The following CADM2 variants were observed in gnomAD, a reference collection of about 807,000 sequenced individuals.
CADM2 encodes immunoglobulin superfamily member 4D.
A neutral mutation model predicts 49.8 loss-of-function variants in CADM2; 12 were observed. The ratio of observed to expected loss-of-function variants is 0.24; its 90% CI spans 0.15 to 0.39. The LOEUF is 0.39. Among genes scored for constraint, CADM2 ranks in the 10% least tolerant of loss-of-function variants. The probability of loss-of-function intolerance (pLI) is 1.00; values close to 1 mark genes in which losing one functional copy is unlikely to be tolerated. For missense variants in CADM2, 378 were observed against 492.3 expected, an observed-to-expected ratio of 0.77 and a Z score of 2.20; for synonymous variants, 214 against 175.4, an observed-to-expected ratio of 1.22 and a Z score of -1.74.
intron 1 of CADM2, among the ~76,000 whole-genome samples, chr3:85,349,881 A>G (rs2031160710): frequency 6.6e-6 from 1 of 152,144 alleles, no homozygotes; most frequent in Admixed American, 6.5e-5. Flanking sequence ...CCATGCCACA[A>G]CCGTTCAGGA....
intron 8 of CADM2, among the ~76,000 whole-genome samples, chr3:86,003,470 G>A (rs958702069): frequency 4.6e-5 from 7 of 152,128 alleles, no homozygotes; most frequent in African/African-American, 1.2e-4. Context: ...TTCTTGACAC[G>A]TCTATAAATA....
chr3:85,741,381 T>C (rs2068377559), intron 2 of CADM2, among the ~76,000 whole-genome samples: 1 of 151,850 alleles, frequency 6.6e-6, no homozygotes, highest in Non-Finnish European at 1.5e-5. Context: ...AAATAAAAAG[T>C]TGTCTCAGCC....
intron 1 of CADM2, among the ~76,000 whole-genome samples, chr3:85,019,879 T>C (rs1010820193): frequency 3.9e-5 from 6 of 152,180 alleles, no homozygotes; most frequent in African/African-American, 1.4e-4. Context: ...AGTTCAAAAA[T>C]CACACTCTAG....
chr3:85,782,979 A>C (rs988631753), intron 2 of CADM2, among the ~76,000 whole-genome samples: 1 of 152,174 alleles, frequency 6.6e-6, no homozygotes, highest in Non-Finnish European at 1.5e-5. Context: ...AACAGTGCAA[A>C]ACTTAAGTTT....
intron 8 of CADM2, among the ~76,000 whole-genome samples, chr3:86,008,562 C>A (rs2106883928): frequency 6.6e-6 from 1 of 152,044 alleles, no homozygotes; most frequent in Admixed American, 6.5e-5. Flanking sequence ...TAGAGGAAGG[C>A]AATACGTAAT....
chr3:85,544,434 C>T (rs6780346), intron 1 of CADM2, among the ~76,000 whole-genome samples: 77,489 of 151,894 alleles, frequency 0.51, 22,814 homozygotes, highest in East Asian at 0.85. Context: ...AAAATTAGCC[C>T]GGCGCTGTGG....
At chr3:85,371,894 T>C (rs148129432) in intron 1 of CADM2, among the ~76,000 whole-genome samples, 2 of 151,564 alleles carry the variant, frequency 1.3e-5, no homozygotes, top group East Asian at 3.9e-4. Flanking sequence ...CCCTCCTGTA[T>C]ACTGTGAAGG....
intron 8 of CADM2, among the ~76,000 whole-genome samples, chr3:85,970,511 ACATT>A (rs1725992247): frequency 1.3e-5 from 2 of 151,628 alleles, no homozygotes; most frequent in African/African-American, 4.8e-5. Context: ...CTGTAAATAG[ACATT>A]CATAGTTTTC....
chr3:85,462,654 A>G (rs528954143), intron 1 of CADM2, among the ~76,000 whole-genome samples: 2 of 152,302 alleles, frequency 1.3e-5, no homozygotes, highest in East Asian at 3.9e-4. Context: ...TTCAAATAAT[A>G]TTATGTCAAA....
chr3:86,052,136 T>C lies in CADM2; in HGVS notation c.971-13469T>C, dbSNP rs548074745. 7.9e-5 allele frequency among the ~76,000 whole-genome samples: 12 copies of C among 152,278 alleles called. No homozygotes were observed. In the East Asian group the frequency reaches 2.3e-3, roughly 29 times the overall value. ...ATAGAAACATAAACAATTACACTAATTTAGAAGAATGATTATAACTACATG... is the reference window on the plus strand; with the variant it reads ...ATAGAAACATAAACAATTACACTAACTTAGAAGAATGATTATAACTACATG... On this transcript the variant is annotated intron_variant, in intron 8 of 9. Transcript: ENST00000383699.
chr3:85,304,233 G>A (rs2044164060), intron 1 of CADM2, among the ~76,000 whole-genome samples: 1 of 151,812 alleles, frequency 6.6e-6, no homozygotes, highest in Admixed American at 6.6e-5. Context: ...GCATGTCAAA[G>A]TGGTAGACGT....
intron 1 of CADM2, among the ~76,000 whole-genome samples, chr3:84,978,252 G>A (rs914197065): frequency 6.6e-6 from 1 of 152,066 alleles, no homozygotes; most frequent in African/African-American, 2.4e-5. Context: ...CTCTGTGAAT[G>A]CAGAGTTACC....
chr3:85,924,968 A>T (rs188955092), intron 6 of CADM2, among the ~76,000 whole-genome samples: 1 of 152,316 alleles, frequency 6.6e-6, no homozygotes, highest in East Asian at 1.9e-4. Flanking sequence ...CATTATTTCT[A>T]GATGCCTCAT....
intron 2 of CADM2, among the ~76,000 whole-genome samples, chr3:85,774,736 A>G (rs2070271648): frequency 6.6e-6 from 1 of 151,720 alleles, no homozygotes; most frequent in Non-Finnish European, 1.5e-5. Flanking sequence ...GGTCACCTAA[A>G]TTAAGTTAGA....
intron 1 of CADM2, among the ~76,000 whole-genome samples, chr3:85,465,329 C>A (rs910157246): frequency 6.6e-6 from 1 of 152,060 alleles, no homozygotes; most frequent in Non-Finnish European, 1.5e-5. Flanking sequence ...GAGATATAAT[C>A]ATCTTTAGTA....
At chr3:85,478,366 C>A (rs769260039) in intron 1 of CADM2, among the ~76,000 whole-genome samples, 1 of 151,838 alleles carries the variant, frequency 6.6e-6, no homozygotes, top group Non-Finnish European at 1.5e-5. Context: ...AAAATAAGTG[C>A]CATTATTAAT....
At chr3:85,682,514 C>G (rs1253666370) in intron 1 of CADM2, among the ~76,000 whole-genome samples, 1 of 151,964 alleles carries the variant, frequency 6.6e-6, no homozygotes, top group Non-Finnish European at 1.5e-5. Flanking sequence ...TTCAGTGGTA[C>G]GTGAAGGTGT....
At chr3:85,134,674 A>C (rs1559681836) in intron 1 of CADM2, among the ~76,000 whole-genome samples, 1 of 152,140 alleles carries the variant, frequency 6.6e-6, no homozygotes, top group South Asian at 2.1e-4. Flanking sequence ...GTGGTGGTTA[A>C]TCTTCTTCAA....
At chr3:85,741,160 C>T (rs2068366838) in intron 2 of CADM2, among the ~76,000 whole-genome samples, 1 of 151,984 alleles carries the variant, frequency 6.6e-6, no homozygotes, top group South Asian at 2.1e-4. Flanking sequence ...ATTTTTGAAC[C>T]ATTTTAGCTA....
Sources: gnomAD v4.1 joint callset for allele counts (sites outside exome capture counted in the v4.1 genomes callset) on GRCh38, gnomAD v4.1.1 for gene constraint, MANE v1.5 for transcripts, NCBI Gene and HGNC (gene_info 2026-07-23, HGNC 2026-07-21) for gene names.